The following CPHXL2 variants were observed in gnomAD, a reference collection of about 807,000 sequenced individuals.
CPHXL2 encodes cytoplasmic polyadenylated homeobox like 2.
the CPHXL2 span, among the ~76,000 whole-genome samples, chr16:75,663,791 C>T: frequency 6.8e-6 from 1 of 146,950 alleles, no homozygotes; most frequent in Non-Finnish European, 1.5e-5. Context: ...GAGGCTGAGG[C>T]AGGAGAATGG....
chr16:75,675,648 A>T, the CPHXL2 span, among the ~76,000 whole-genome samples: 4 of 152,214 alleles, frequency 2.6e-5, no homozygotes, highest in South Asian at 8.3e-4. Context: ...GGTCCCTGAG[A>T]TAGAGCTCAT....
At chr16:75,665,821 C>T in the CPHXL2 span, among the ~76,000 whole-genome samples, 2 of 152,140 alleles carry the variant, frequency 1.3e-5, no homozygotes, top group African/African-American at 2.4e-5. Context: ...GCCAAGACTG[C>T]ACCACTGCAC....
At chr16:75,668,372 GC>G in the CPHXL2 span, among the ~76,000 whole-genome samples, 4 of 151,890 alleles carry the variant, frequency 2.6e-5, no homozygotes, top group East Asian at 3.9e-4. Flanking sequence ...GAGATTACAG[GC>G]ACGCACCACC....
At chr16:75,667,956 A>C in the CPHXL2 span, among the ~76,000 whole-genome samples, 1 of 152,166 alleles carries the variant, frequency 6.6e-6, no homozygotes, top group Non-Finnish European at 1.5e-5. Flanking sequence ...CACACATAGT[A>C]AACTTTGTCA....
the CPHXL2 span, among the ~76,000 whole-genome samples, chr16:75,674,469 T>C: frequency 6.6e-6 from 1 of 151,906 alleles, no homozygotes; most frequent in South Asian, 2.1e-4. Context: ...GGATAGTTTA[T>C]GTACAAGATT....
chr16:75,673,979 TAAAA>T, the CPHXL2 span, among the ~76,000 whole-genome samples: 2 of 90,524 alleles, frequency 2.2e-5, no homozygotes, highest in Non-Finnish European at 2.3e-5. Flanking sequence ...GATCTCGTCT[TAAAA>T]AAAAAAAAAA....
At chr16:75,661,606 T>TCCCAGCTGTCCCA in the CPHXL2 span, among the ~76,000 whole-genome samples, 2 of 151,900 alleles carry the variant, frequency 1.3e-5, no homozygotes, top group Non-Finnish European at 2.9e-5. Flanking sequence ...CAGAAGAGGC[T>TCCCAGCTGTCCCA]CCCAGCTGTC....
chr16:75,666,933 A>AGGCGT, the CPHXL2 span, among the ~76,000 whole-genome samples: 1 of 152,234 alleles, frequency 6.6e-6, no homozygotes, highest in Non-Finnish European at 1.5e-5. Flanking sequence ...AGGAACCTTC[A>AGGCGT]AAACCATGCA....
At chr16:75,664,416 G>A in the CPHXL2 span, among the ~76,000 whole-genome samples, 8 of 151,924 alleles carry the variant, frequency 5.3e-5, no homozygotes, top group Non-Finnish European at 8.8e-5. Context: ...ACCTGAGGTC[G>A]GGAGTTTGAG....
the CPHXL2 span, chr16:75,669,488 G>A: frequency 5.2e-5 from 21 of 400,086 alleles, no homozygotes; most frequent in Middle Eastern, 3.4e-4. Context: ...AATTTATGTC[G>A]GTGTTTTGTT....
chr16:75,673,169 G>A, the CPHXL2 span, among the ~76,000 whole-genome samples: 14 of 150,942 alleles, frequency 9.3e-5, no homozygotes, highest in East Asian at 2.0e-4. Flanking sequence ...GTGTGGTGGC[G>A]CATGCCTGTA....
the CPHXL2 span, among the ~76,000 whole-genome samples, chr16:75,668,507 G>A: frequency 2.0e-5 from 3 of 152,232 alleles, no homozygotes; most frequent in Non-Finnish European, 4.4e-5. Flanking sequence ...GATTACAGGC[G>A]TAAGCCACCG....
the CPHXL2 span, among the ~76,000 whole-genome samples, chr16:75,664,625 C>CA: frequency 0.66 from 74,599 of 112,840 alleles, 25,438 homozygotes; most frequent in East Asian, 0.83. Context: ...AACTCCATCT[C>CA]AAAAAAAAAA....
At chr16:75,671,719 T>A in the CPHXL2 span, among the ~76,000 whole-genome samples, 13 of 152,278 alleles carry the variant, frequency 8.5e-5, no homozygotes, top group South Asian at 2.7e-3. Context: ...TATTTATGAA[T>A]GAAGTAACTG....
chr16:75,666,294 A>G, the CPHXL2 span, among the ~76,000 whole-genome samples: 2 of 152,190 alleles, frequency 1.3e-5, no homozygotes, highest in Non-Finnish European at 2.9e-5. Context: ...AATTACTACC[A>G]GACCTAAGAA....
chr16:75,668,427 C>T, the CPHXL2 span, among the ~76,000 whole-genome samples: 1 of 152,070 alleles, frequency 6.6e-6, no homozygotes, highest in African/African-American at 2.4e-5. Context: ...AGGGGTTTCA[C>T]CATGTTGGTC....
the CPHXL2 span, among the ~76,000 whole-genome samples, chr16:75,672,007 C>G: frequency 2.0e-5 from 3 of 151,874 alleles, no homozygotes; most frequent in Non-Finnish European, 4.4e-5. Flanking sequence ...TGCGATGGCT[C>G]ACACCTGTAA....
chr16:75,676,634 T>A, the CPHXL2 span, among the ~76,000 whole-genome samples: 2 of 152,244 alleles, frequency 1.3e-5, no homozygotes, highest in African/African-American at 4.8e-5. Flanking sequence ...AATTGCTCTC[T>A]GCTTTAATAA....
the CPHXL2 span, among the ~76,000 whole-genome samples, chr16:75,676,783 A>G: frequency 6.6e-6 from 1 of 152,212 alleles, no homozygotes; most frequent in African/African-American, 2.4e-5. Context: ...ATAAACAAGA[A>G]TCATAATTGG....
Sources: allele counts gnomAD v4.1 joint callset (sites outside exome capture counted in the v4.1 genomes callset), GRCh38; gene constraint gnomAD v4.1.1; transcripts MANE v1.5; gene names NCBI Gene and HGNC (gene_info 2026-07-23, HGNC 2026-07-21).